Variants in CADM2 observed in about 807,000 individuals in gnomAD.
The protein encoded by CADM2 is immunoglobulin superfamily member 4D.
A neutral mutation model predicts 49.8 loss-of-function variants in CADM2; 12 were observed. The observed-to-expected ratio is 0.24, with a 90% confidence interval of 0.15 to 0.39. The LOEUF (loss-of-function observed/expected upper bound fraction) is 0.39, where lower values mean the gene tolerates loss of function less well. Among genes scored for constraint, CADM2 ranks in the 10% least tolerant of loss-of-function variants. The pLI is 1.00. For synonymous variants in CADM2, 214 were observed against 175.4 expected, an observed-to-expected ratio of 1.22 and a Z score of -1.74; for missense variants, 378 against 492.3, an observed-to-expected ratio of 0.77 and a Z score of 2.20.
intron 1 of CADM2, among the ~76,000 whole-genome samples, chr3:85,344,565 C>A (rs1224585930): frequency 3.3e-5 from 5 of 151,396 alleles, no homozygotes; most frequent in Middle Eastern, 6.8e-3. Flanking sequence ...GAAGACTTTC[C>A]AAATTATAAG....
At chr3:85,492,183 A>G (rs2039703250) in intron 1 of CADM2, among the ~76,000 whole-genome samples, 1 of 152,352 alleles carries the variant, frequency 6.6e-6, no homozygotes, top group African/African-American at 2.4e-5. Flanking sequence ...AAATATTAAA[A>G]TAAAATCCTG....
At chr3:85,527,597 C>T (rs1045361066) in intron 1 of CADM2, among the ~76,000 whole-genome samples, 6 of 104,026 alleles carry the variant, frequency 5.8e-5, no homozygotes, top group Non-Finnish European at 1.2e-4. Flanking sequence ...TAGTTGTAAC[C>T]TGAAAAAAAA....
intron 1 of CADM2, among the ~76,000 whole-genome samples, chr3:85,357,733 A>G (rs907761510): frequency 3.3e-5 from 5 of 152,088 alleles, no homozygotes; most frequent in African/African-American, 1.2e-4. Flanking sequence ...GATAGTGTAA[A>G]ACTTCCATGT....
At chr3:85,443,026 A>C (rs962243691) in intron 1 of CADM2, among the ~76,000 whole-genome samples, 1 of 152,042 alleles carries the variant, frequency 6.6e-6, no homozygotes, top group African/African-American at 2.4e-5. Flanking sequence ...TGCCTAAGTT[A>C]TTTTAGTCAA....
chr3:85,443,701 C>T (rs1173626615), intron 1 of CADM2, among the ~76,000 whole-genome samples: 1 of 152,126 alleles, frequency 6.6e-6, no homozygotes, highest in African/African-American at 2.4e-5. Context: ...CCTGGCTGCC[C>T]TTTAACTGTC....
intron 1 of CADM2, among the ~76,000 whole-genome samples, chr3:85,203,963 A>G (rs76347107): frequency 0.036 from 5,446 of 152,312 alleles, 124 homozygotes; most frequent in Middle Eastern, 0.058. Context: ...TACAATTAAA[A>G]ATGCCTATAA....
chr3:85,550,525 C>A (rs1310821008), intron 1 of CADM2, among the ~76,000 whole-genome samples: 1 of 152,170 alleles, frequency 6.6e-6, no homozygotes, highest in Non-Finnish European at 1.5e-5. Flanking sequence ...CTGGGTGAGT[C>A]TGGTACACTC....
intron 1 of CADM2, among the ~76,000 whole-genome samples, chr3:85,455,223 G>A (rs1334559905): frequency 6.6e-6 from 1 of 152,126 alleles, no homozygotes; most frequent in East Asian, 1.9e-4. Context: ...AAACACAAAT[G>A]CAAAAGTTTT....
chr3:85,697,013 A>G (rs763891727), intron 1 of CADM2, among the ~76,000 whole-genome samples: 108 of 151,208 alleles, frequency 7.1e-4, no homozygotes, highest in Non-Finnish European at 1.3e-3. Flanking sequence ...TGTTTGAAAC[A>G]CTAACTAAAC....
intron 1 of CADM2, among the ~76,000 whole-genome samples, chr3:85,539,019 T>C (rs2061483643): frequency 6.6e-6 from 1 of 152,084 alleles, no homozygotes; most frequent in Admixed American, 6.6e-5. Flanking sequence ...ATCAGTACTT[T>C]TGCCTTCCCT....
At chr3:85,145,356 A>G (rs1277718375) in intron 1 of CADM2, among the ~76,000 whole-genome samples, 1 of 152,136 alleles carries the variant, frequency 6.6e-6, no homozygotes, top group Non-Finnish European at 1.5e-5. Context: ...CCATCTATCC[A>G]TCCAATCTGT....
intron 1 of CADM2, among the ~76,000 whole-genome samples, chr3:85,628,580 C>CATATATAT (rs1553752225): frequency 1.4e-5 from 2 of 142,682 alleles, no homozygotes; most frequent in African/African-American, 2.6e-5. Context: ...TATATACACA[C>CATATATAT]ACATATATAT....
chr3:85,990,432 A>G (rs867205424), intron 8 of CADM2, among the ~76,000 whole-genome samples: 19 of 152,134 alleles, frequency 1.2e-4, no homozygotes, highest in Admixed American at 3.3e-4. Context: ...TTAACTTACA[A>G]TGGGATTATC....
At chr3:85,586,034 T>C (rs2062935122) in intron 1 of CADM2, among the ~76,000 whole-genome samples, 1 of 152,018 alleles carries the variant, frequency 6.6e-6, no homozygotes, top group Non-Finnish European at 1.5e-5. Flanking sequence ...GGGATTTTGT[T>C]CTACAATTCA....
intron 6 of CADM2, among the ~76,000 whole-genome samples, chr3:85,932,808 T>G (rs1015835736): frequency 1.3e-5 from 2 of 152,188 alleles, no homozygotes; most frequent in African/African-American, 4.8e-5. Context: ...TTGAATAATT[T>G]TGAAGTCAAA....
intron 1 of CADM2, among the ~76,000 whole-genome samples, chr3:85,652,116 C>A (rs2065061621): frequency 6.6e-6 from 1 of 151,780 alleles, no homozygotes; most frequent in African/African-American, 2.4e-5. Flanking sequence ...TGCACCTGGC[C>A]AACTAAACTT....
At chr3:85,039,126 C>T (rs932820200) in intron 1 of CADM2, among the ~76,000 whole-genome samples, 2 of 152,096 alleles carry the variant, frequency 1.3e-5, no homozygotes, top group Non-Finnish European at 1.5e-5. Context: ...CTCAGCCTCC[C>T]GAGTAGCTGG....
At chr3:85,478,672 T>C (rs2039082620) in intron 1 of CADM2, among the ~76,000 whole-genome samples, 1 of 151,996 alleles carries the variant, frequency 6.6e-6, no homozygotes, top group Non-Finnish European at 1.5e-5. Context: ...TTTATTGAAA[T>C]GAAATGCTTT....
intron 6 of CADM2, among the ~76,000 whole-genome samples, chr3:85,917,023 T>C (rs1435594565): frequency 4.0e-5 from 6 of 151,608 alleles, no homozygotes; most frequent in Non-Finnish European, 8.9e-5. Context: ...GGGGTTTTTT[T>C]TTATTGTAAA....
Sources: gnomAD v4.1 joint callset for allele counts (sites outside exome capture counted in the v4.1 genomes callset) on GRCh38, gnomAD v4.1.1 for gene constraint, MANE v1.5 for transcripts, NCBI Gene and HGNC (gene_info 2026-07-23, HGNC 2026-07-21) for gene names.